The following CTNND2 variants were observed in gnomAD, a reference collection of about 807,000 sequenced individuals.
CTNND2 encodes the protein catenin delta 2, also known as catenin delta-2.
In CTNND2, 22 loss-of-function variants were observed where a neutral mutation model predicts 144.4. That is an observed-to-expected ratio of 0.15 (90% CI 0.11 to 0.22). CTNND2 has a LOEUF of 0.22. Ranked by LOEUF, CTNND2 falls within the 10% of genes least tolerant of loss-of-function variation. CTNND2 has a pLI of 1.00. For synonymous variants in CTNND2, 751 were observed against 695.6 expected, an observed-to-expected ratio of 1.08 and a Z score of -1.25; for missense variants, 1,353 against 1,618.8, an observed-to-expected ratio of 0.84 and a Z score of 2.82.
chr5:11,331,143 A>G (rs1410486976), intron 9 of CTNND2, among the ~76,000 whole-genome samples: 3 of 152,198 alleles, frequency 2.0e-5, no homozygotes, highest in Non-Finnish European at 4.4e-5. Flanking sequence ...ACTTATCTTA[A>G]TGAGTTCTTT....
chr5:11,100,926 A>G (rs866413046), intron 14 of CTNND2, among the ~76,000 whole-genome samples: 1 of 152,214 alleles, frequency 6.6e-6, no homozygotes, highest in Non-Finnish European at 1.5e-5. Flanking sequence ...ATAAAGCAGG[A>G]TAAATGGTTA....
intron 1 of CTNND2, among the ~76,000 whole-genome samples, chr5:11,782,380 G>A (rs937961011): frequency 4.9e-5 from 7 of 142,920 alleles, no homozygotes; most frequent in African/African-American, 1.3e-4. Flanking sequence ...AACTTACTAC[G>A]TTTGAAATTT....
intron 3 of CTNND2, among the ~76,000 whole-genome samples, chr5:11,483,100 T>A (rs1474257855): frequency 6.6e-6 from 1 of 151,826 alleles, no homozygotes; most frequent in Non-Finnish European, 1.5e-5. Flanking sequence ...AAGGCAGAAG[T>A]GGATGGAGGA....
intron 3 of CTNND2, among the ~76,000 whole-genome samples, chr5:11,555,754 A>C (rs1159753533): frequency 6.6e-6 from 1 of 152,218 alleles, no homozygotes; most frequent in Non-Finnish European, 1.5e-5. Flanking sequence ...GGTTATGACA[A>C]GAAGAACAAT....
rs193028935 is a variant in CTNND2, at chr5:11,171,993, C to T, written c.1976-12234G>A. On this transcript the variant is annotated intron_variant, in intron 11 of 21. Transcript: ENST00000304623. ...TCAACAACAAAATTATACTTACATT[C>T]GGACAATTGTGGTCTTACACTAGAA... Among the ~76,000 whole-genome samples, 90 of 152,258 alleles carry T rather than the reference C, an allele frequency of 5.9e-4. 1 individual carries two copies. Among genetic ancestry groups the T allele is most frequent in the African/African-American group, 2.0e-3 (83 of 41,530 alleles).
intron 10 of CTNND2, among the ~76,000 whole-genome samples, chr5:11,209,718 T>C (rs153603): frequency 0.46 from 69,337 of 151,894 alleles, 16,045 homozygotes; most frequent in African/African-American, 0.5. Flanking sequence ...GTCAGGAGAT[T>C]GAGACCATCC....
chr5:11,560,542 G>A (rs1003598057), intron 3 of CTNND2, among the ~76,000 whole-genome samples: 32 of 152,268 alleles, frequency 2.1e-4, no homozygotes, highest in African/African-American at 7.7e-4. Flanking sequence ...CCCATTCTTT[G>A]ACTGAAGGTT....
intron 1 of CTNND2, among the ~76,000 whole-genome samples, chr5:11,794,059 G>A (rs1239070509): frequency 1.3e-5 from 2 of 152,314 alleles, no homozygotes; most frequent in Non-Finnish European, 2.9e-5. Context: ...GACACTGCTC[G>A]CCCACTGCAT....
chr5:11,122,569 TGCTATAATCACC>T (rs1458270627), intron 12 of CTNND2, among the ~76,000 whole-genome samples: 2 of 152,018 alleles, frequency 1.3e-5, no homozygotes, highest in Non-Finnish European at 2.9e-5. Flanking sequence ...GGTCCAGCCC[TGCTATAATCACC>T]GTCCATCAGG....
At chr5:11,121,761 A>G (rs572476822) in intron 12 of CTNND2, among the ~76,000 whole-genome samples, 1 of 152,272 alleles carries the variant, frequency 6.6e-6, no homozygotes, top group South Asian at 2.1e-4. Context: ...CTGTATGACT[A>G]CGGCATTTTC....
In CTNND2 at chr5:11,364,790, G is replaced by A. The variant is rs751311106; in HGVS notation, c.1278C>T (p.Asp426=). 1.9e-6 allele frequency: 3 copies of A among 1,613,718 alleles called. No homozygotes were observed. In the African/African-American group the frequency reaches 4.0e-5, roughly 22 times the overall value. The part of the protein sequence containing the change: ...PEHHIDPIYE[D]RVYQKPPMRS... Reference sequence around the variant, plus strand: ...TCATAGGGGGCTTCTGATAGACGCGGTCTTCATAGATGGGATCTATGTGGT... The same window carrying A: ...TCATAGGGGGCTTCTGATAGACGCGATCTTCATAGATGGGATCTATGTGGT... The change falls in exon 8 of 22, where the codon GAC becomes GAT. Residue 426 remains aspartate (D), a synonymous_variant. Transcript: ENST00000304623.
rs564958837 is a variant in CTNND2, at chr5:11,777,343, T to C, written c.38-45071A>G. On this transcript the variant is annotated intron_variant, in intron 1 of 21. Coordinates refer to ENST00000304623, the MANE Select transcript of CTNND2 (RefSeq NM_001332.4). ...CCATGACTAGAACCATCACAGTCCA[T>C]TGACTATTGGTTATAAAACACTTCT... Among the ~76,000 whole-genome samples, 10 of 152,374 alleles carry C rather than the reference T, an allele frequency of 6.6e-5. No homozygotes were observed. The South Asian group carries it at 1.4e-3, about 22-fold the overall frequency.
intron 16 of CTNND2, among the ~76,000 whole-genome samples, chr5:11,077,487 T>C (rs1749069450): frequency 6.6e-6 from 1 of 152,152 alleles, no homozygotes; most frequent in African/African-American, 2.4e-5. Flanking sequence ...GAGCATGTAA[T>C]ATAGGAATCA....
chr5:11,002,661 T>C (rs1176926534), intron 18 of CTNND2, among the ~76,000 whole-genome samples: 1 of 152,176 alleles, frequency 6.6e-6, no homozygotes, highest in Admixed American at 6.6e-5. Context: ...AAATGGAATT[T>C]TGAGTTACGT....
At chr5:11,581,863 G>C (rs1055011041) in intron 2 of CTNND2, among the ~76,000 whole-genome samples, 2 of 152,216 alleles carry the variant, frequency 1.3e-5, no homozygotes, top group Non-Finnish European at 2.9e-5. Context: ...GGCATGGGAA[G>C]GGGAAGGGAC....
intron 1 of CTNND2, among the ~76,000 whole-genome samples, chr5:11,901,866 C>T (rs1737916910): frequency 6.6e-6 from 1 of 152,042 alleles, no homozygotes; most frequent in Non-Finnish European, 1.5e-5. Flanking sequence ...AAACACTAGG[C>T]TCAAAAGGAA....
At chr5:11,829,888 G>A (rs560562674) in intron 1 of CTNND2, among the ~76,000 whole-genome samples, 1 of 152,328 alleles carries the variant, frequency 6.6e-6, no homozygotes, top group Non-Finnish European at 1.5e-5. Context: ...GAGGGAGGCT[G>A]TACCCTGCAA....
chr5:11,455,063 T>C (rs2149921129), intron 3 of CTNND2, among the ~76,000 whole-genome samples: 1 of 151,986 alleles, frequency 6.6e-6, no homozygotes, highest in Admixed American at 6.6e-5. Flanking sequence ...GTTCAAGTTC[T>C]AAGGCTGGAC....
chr5:11,486,555 G>A (rs1768852091), intron 3 of CTNND2, among the ~76,000 whole-genome samples: 1 of 152,086 alleles, frequency 6.6e-6, no homozygotes, highest in Non-Finnish European at 1.5e-5. Flanking sequence ...AAGAAAGAAG[G>A]AAGAAACAAA....
Sources: gnomAD v4.1 joint callset for allele counts (sites outside exome capture counted in the v4.1 genomes callset) on GRCh38, gnomAD v4.1.1 for gene constraint, MANE v1.5 for transcripts, NCBI Gene and HGNC (gene_info 2026-07-23, HGNC 2026-07-21) for gene names.